Variants in GNG7 observed in about 807,000 individuals in gnomAD.
GNG7 encodes guanine nucleotide-binding protein G(I)/G(S)/G(O) subunit gamma-7.
A neutral mutation model predicts 4.0 loss-of-function variants in GNG7; 1 was observed. That is an observed-to-expected ratio of 0.25 (90% confidence interval 0.09 to 1.18). The LOEUF (loss-of-function observed/expected upper bound fraction) is 1.18, where lower values mean the gene tolerates loss of function less well. Among genes scored for constraint, GNG7 ranks in the 50% most tolerant of loss-of-function variants. The pLI is 0.50. For missense variants in GNG7, 86 were observed against 91.9 expected, an observed-to-expected ratio of 0.94 and a Z score of 0.26; for synonymous variants, 34 against 36.9, an observed-to-expected ratio of 0.92 and a Z score of 0.29.
rs866095438 is a variant in GNG7, at chr19:2,511,770, G to T, written c.*3252C>A. 1.0e-6 allele frequency: 1 copy of T among 981,212 alleles called. No individual in the cohort carries two copies. The highest frequency in any genetic ancestry group is 1.2e-6 in the Non-Finnish European group (1 of 825,670). 60.8% of individuals were successfully genotyped at this position (981,212 alleles called of 1,614,324 possible). ...GGGAAACAGGAGCACCTTCCGCCCT[G>T]GCCCAGCCGCCCCGTTTATGTCCCC... On this transcript the variant is annotated 3_prime_UTR_variant, in exon 5 of 5. Transcript: ENST00000382159. The surrounding 1 kb of genome is among the most constrained non-coding windows in gnomAD (Gnocchi z 6.3).
At chr19:2,530,988 G>A (rs746369343) in intron 3 of GNG7, among the ~76,000 whole-genome samples, 2 of 152,010 alleles carry the variant, frequency 1.3e-5, no homozygotes, top group Non-Finnish European at 2.9e-5. Flanking sequence ...TGTGAATTGG[G>A]ACAACTTAAT....
chr19:2,535,724 G>T (rs1978714919), intron 3 of GNG7, among the ~76,000 whole-genome samples: 1 of 152,060 alleles, frequency 6.6e-6, no homozygotes, highest in South Asian at 2.1e-4. Context: ...CTAGCACCAG[G>T]TGACCTTGAC....
At chr19:2,570,198 C>A (rs35837517) in intron 2 of GNG7, among the ~76,000 whole-genome samples, 63,136 of 151,896 alleles carry the variant, frequency 0.42, 14,957 homozygotes, top group Non-Finnish European at 0.53. Flanking sequence ...ATGAGATGCC[C>A]GTTCCCCCTT....
rs1034417569 is a variant in GNG7, at chr19:2,553,688, C to T, written c.-38+1461G>A. 3.2e-5 allele frequency among the ~76,000 whole-genome samples: 4 copies of T among 125,710 alleles called. 1 individual carries two copies. Among genetic ancestry groups the T allele is most frequent in the Non-Finnish European group, 6.9e-5 (4 of 58,282 alleles). The allele number at this position is 125,710 out of a possible 152,430, so 82.5% of individuals were successfully genotyped here. ...ACGTTACATGTAATATGTTATATTA[C>T]ACACATGTGCACATTACATATAATA... On this transcript the variant is annotated intron_variant, in intron 3 of 4. Transcript: ENST00000382159.
chr19:2,574,390 C>T (rs999338954), intron 2 of GNG7, among the ~76,000 whole-genome samples: 35 of 152,174 alleles, frequency 2.3e-4, no homozygotes, highest in African/African-American at 8.0e-4. Flanking sequence ...CTCCCTGTCC[C>T]CCTCCCCAGC....
chr19:2,586,404 C>T lies in GNG7; in HGVS notation c.-77-31216G>A, dbSNP rs935937745. 6.6e-5 allele frequency among the ~76,000 whole-genome samples: 10 copies of T among 152,134 alleles called. 1 individual carries two copies. The highest frequency in any genetic ancestry group is 2.6e-4 in the Admixed American group (4 of 15,274). ...GCTCAGCAGGCCCATAAATTCAAAG[C>T]GAGGGCCGCAAATGGGGAATCTGGG... On this transcript the variant is annotated intron_variant, in intron 2 of 4. Coordinates refer to ENST00000382159, the MANE Select transcript of GNG7 (RefSeq NM_052847.3).
At chr19:2,661,404 C>G (rs1185716123) in intron 1 of GNG7, among the ~76,000 whole-genome samples, 1 of 151,616 alleles carries the variant, frequency 6.6e-6, no homozygotes, top group Admixed American at 6.6e-5. Context: ...TGCCTATAAT[C>G]CCAGCACTCT....
chr19:2,575,916 CACAG>C (rs1357917217), intron 2 of GNG7, among the ~76,000 whole-genome samples: 3 of 148,258 alleles, frequency 2.0e-5, no homozygotes, highest in Admixed American at 6.6e-5. Context: ...CGCAGGCATA[CACAG>C]ACACACAGGC....
chr19:2,628,531 A>G (rs574496826), intron 2 of GNG7, among the ~76,000 whole-genome samples: 2 of 150,892 alleles, frequency 1.3e-5, no homozygotes, highest in African/African-American at 5.0e-5. Context: ...GTGTGTATAT[A>G]TATATATAAC....
chr19:2,621,253 G>C (rs1197832853), intron 2 of GNG7, among the ~76,000 whole-genome samples: 4 of 152,148 alleles, frequency 2.6e-5, no homozygotes, highest in Non-Finnish European at 5.9e-5. Flanking sequence ...GCTGGATGTG[G>C]TGGTCCACAC....
At chr19:2,647,054 C>T (rs1301693764) in intron 1 of GNG7, among the ~76,000 whole-genome samples, 2 of 152,212 alleles carry the variant, frequency 1.3e-5, no homozygotes, top group African/African-American at 2.4e-5. Context: ...CAGGCTGGCA[C>T]CACATGCCTG....
At chr19:2,549,134 C>T (rs1056096807) in intron 3 of GNG7, among the ~76,000 whole-genome samples, 1 of 152,166 alleles carries the variant, frequency 6.6e-6, no homozygotes, top group African/African-American at 2.4e-5. Flanking sequence ...GGAGAGAACC[C>T]TGACTCCTGT....
intron 2 of GNG7, among the ~76,000 whole-genome samples, chr19:2,598,692 TAATAATAATA>T: frequency 7.0e-6 from 1 of 143,534 alleles, no homozygotes; most frequent in Non-Finnish European, 1.5e-5. Flanking sequence ...ATAATAATAA[TAATAATAATA>T]ATAATAATAA....
rs1191625207 is a variant in GNG7 at position 2,661,281 on chromosome 19, A to AGGAAGGAAGGAAGGAAG, written c.-134-15002_-134-15001insCTTCCTTCCTTCCTTCC. Among the ~76,000 whole-genome samples, 60 of 70,454 alleles carry AGGAAGGAAGGAAGGAAG rather than the reference A, an allele frequency of 8.5e-4. 1 individual carries two copies. The highest frequency in any genetic ancestry group is 1.2e-3 in the Non-Finnish European group (47 of 38,866). 46.2% of individuals were successfully genotyped at this position (70,454 alleles called of 152,430 possible). On this transcript the variant is annotated intron_variant, in intron 1 of 4. Coordinates refer to ENST00000382159, the MANE Select transcript of GNG7 (RefSeq NM_052847.3). ...AGAAAGAAAGAAAGAAAAGAAAGAA[A>AGGAAGGAAGGAAGGAAG]GAAAGAAAGAAAGAAAGAAAGAGAA... is the stretch of plus-strand genomic sequence containing the variant.
At chr19:2,624,494 T>C (rs1568266271) in intron 2 of GNG7, among the ~76,000 whole-genome samples, 1 of 127,956 alleles carries the variant, frequency 7.8e-6, no homozygotes, top group East Asian at 2.2e-4. Flanking sequence ...TTGTGCCACT[T>C]AACTCCAGCC....
In GNG7 at chr19:2,544,709, G is replaced by C. The variant is rs180902401; in HGVS notation, c.-38+10440C>G. Among the ~76,000 whole-genome samples, 307 of 152,138 alleles carry C rather than the reference G, an allele frequency of 2.0e-3. 1 individual carries two copies. The highest frequency in any genetic ancestry group is 1.9e-3 in the Non-Finnish European group (132 of 67,964). On this transcript the variant is annotated intron_variant, in intron 3 of 4. Transcript: ENST00000382159. Reference sequence around the variant, plus strand: ...CTGGGCCAACAGTGGCTCTTAATTGGGGGGGTGGGTGATTCAGCCCCGCCA... The same window carrying C: ...CTGGGCCAACAGTGGCTCTTAATTGCGGGGGTGGGTGATTCAGCCCCGCCA...
At chr19:2,657,347 AAAAAAAAAAAAAAAATAT>A (rs1266330678) in intron 1 of GNG7, among the ~76,000 whole-genome samples, 314 of 18,710 alleles carry the variant, frequency 0.017, 22 homozygotes, top group South Asian at 0.065. Context: ...TAAAAAAAAA[AAAAAAAAAAAAAAAATAT>A]ATATATATAT....
chr19:2,637,589 C>A (rs1029496163), intron 2 of GNG7, among the ~76,000 whole-genome samples: 3 of 152,202 alleles, frequency 2.0e-5, no homozygotes, highest in African/African-American at 7.2e-5. Context: ...CCGCATCCCA[C>A]GCCACCCTTT....
intron 2 of GNG7, among the ~76,000 whole-genome samples, chr19:2,639,158 C>T (rs895710554): frequency 1.3e-5 from 2 of 151,448 alleles, no homozygotes; most frequent in African/African-American, 2.4e-5. Flanking sequence ...CGCTTGAACC[C>T]GGAAGGAGGA....
Sources: allele counts gnomAD v4.1 joint callset (sites outside exome capture counted in the v4.1 genomes callset), GRCh38; gene constraint gnomAD v4.1.1; non-coding constraint Gnocchi (gnomAD v3.1); transcripts MANE v1.5; gene names NCBI Gene and HGNC (gene_info 2026-07-23, HGNC 2026-07-21).